The following FBXO16 variants were observed in gnomAD, a reference collection of about 807,000 sequenced individuals.
FBXO16 encodes F-box protein 16, also known as F-box only protein 16.
FBXO16 carries 31 observed loss-of-function variants against 41.0 expected under a neutral mutation model. The ratio of observed to expected loss-of-function variants is 0.76; its 90% CI spans 0.57 to 1.02. The LOEUF is 1.02. FBXO16 is among the 50% of genes least tolerant of loss of function. The pLI is 0.00. For missense variants in FBXO16, 361 were observed against 346.2 expected (o/e 1.04, Z -0.34); for synonymous variants, 133 against 117.8 (o/e 1.13, Z -0.84).
chr8:28,464,033 G>A (rs1193072389), intron 3 of FBXO16, among the ~76,000 whole-genome samples: 1 of 152,196 alleles, frequency 6.6e-6, no homozygotes, highest in African/African-American at 2.4e-5. Flanking sequence ...ACACAGAAGT[G>A]CATGTGACCT....
chr8:28,452,275 T>C lies in FBXO16; in HGVS notation c.709A>G (p.Asn237Asp). ...TGGACAGTCTCCATGGGGTCACGGT[T>C]GTCTAGGTAATTAAAACGAATGATA... ...TDIIRFNYLDNRDPMETVQQG... is the reference protein window; with the variant it reads ...TDIIRFNYLDDRDPMETVQQG... Residue 237 changes from asparagine to aspartate, a missense_variant, in exon 6 of 9, where the codon AAC becomes GAC. Asn to Asp is a conservative substitution (Grantham distance 23). Coordinates refer to ENST00000380254, the MANE Select transcript of FBXO16 (RefSeq NM_172366.4). 6.2e-7 allele frequency: 1 copy of C among 1,614,178 alleles called. No homozygotes were observed. Among genetic ancestry groups the C allele is most frequent in the Non-Finnish European group, 8.5e-7 (1 of 1,180,030 alleles).
intron 7 of FBXO16, among the ~76,000 whole-genome samples, chr8:28,437,008 C>T (rs1010000167): frequency 6.6e-6 from 1 of 152,174 alleles, no homozygotes; most frequent in African/African-American, 2.4e-5. Flanking sequence ...CCTGCCTCAG[C>T]CTCCCAAAGT....
At chr8:28,445,853 AC>A (rs1222083379) in intron 7 of FBXO16, among the ~76,000 whole-genome samples, 150 of 152,294 alleles carry the variant, frequency 9.8e-4, no homozygotes, top group South Asian at 3.1e-3. Flanking sequence ...CTGAGTACGT[AC>A]TTATTCCTCT....
chr8:28,428,694 G>T lies in FBXO16; in HGVS notation c.*33C>A. 1 of 1,575,196 alleles carries T rather than the reference G, an allele frequency of 6.3e-7. No individual in the cohort carries two copies. The highest frequency in any genetic ancestry group is 8.6e-7 in the Non-Finnish European group (1 of 1,162,102). On this transcript the variant is annotated 3_prime_UTR_variant, in exon 9 of 9. Coordinates refer to ENST00000380254, the MANE Select transcript of FBXO16 (RefSeq NM_172366.4). ...ACTGACTCAGGGGGAGGCCAGGCGA[G>T]ATGAGCTGGAACTTTTAGGGGAGAG...
chr8:28,451,004 A>G (rs17059109), intron 6 of FBXO16, among the ~76,000 whole-genome samples: 13,836 of 152,230 alleles, frequency 0.091, 1,212 homozygotes, highest in African/African-American at 0.23. Context: ...ATCCAGTCCA[A>G]TGGTCCTTGA....
At position 28,429,412 on chromosome 8, in the gene FBXO16, G is replaced by C; in HGVS notation, c.844-9C>G. On this transcript the variant is annotated splice_polypyrimidine_tract_variant and intron_variant, in intron 7 of 8. Transcript: ENST00000380254. ...GGATTTCTCCTCGACATCTGGCCGC[G>C]AGCAGGAAAGGGAAGAGAATGGAGA... 6.2e-7 allele frequency: 1 copy of C among 1,613,860 alleles called. No homozygotes were observed. Among genetic ancestry groups the C allele is most frequent in the African/African-American group, 1.3e-5 (1 of 75,020 alleles).
intron 3 of FBXO16, among the ~76,000 whole-genome samples, chr8:28,471,805 C>CACAA (rs781686111): frequency 1.7e-4 from 4 of 23,728 alleles, no homozygotes; most frequent in Non-Finnish European, 4.1e-4. Context: ...CAGAGAATCT[C>CACAA]AAAAAAAAAA....
rs569590431 is a variant in FBXO16 at position 28,469,975 on chromosome 8, C to T, written c.135+3797G>A. Among the ~76,000 whole-genome samples the T allele has an allele frequency of 4.0e-5, 6 of 150,880 alleles. No individual in the cohort carries two copies. The South Asian group carries it at 6.3e-4, about 16-fold the overall frequency. ...AACCCAGCACTTTGGGAGGCCGAGG[C>T]GGCTGGACCACGAGGTCAGGAGATC... On this transcript the variant is annotated intron_variant, in intron 3 of 8. Coordinates refer to ENST00000380254, the MANE Select transcript of FBXO16 (RefSeq NM_172366.4).
At chr8:28,481,177 C>A (rs1260291717) in intron 2 of FBXO16, among the ~76,000 whole-genome samples, 1 of 152,188 alleles carries the variant, frequency 6.6e-6, no homozygotes, top group Non-Finnish European at 1.5e-5. Flanking sequence ...TTGGAATTTA[C>A]TCTTGGGAGT....
intron 3 of FBXO16, among the ~76,000 whole-genome samples, chr8:28,470,126 G>A (rs1585914543): frequency 1.3e-5 from 2 of 151,554 alleles, no homozygotes; most frequent in Admixed American, 1.3e-4. Flanking sequence ...CCCAGGAGGC[G>A]GAGCTTGCAG....
intron 3 of FBXO16, among the ~76,000 whole-genome samples, chr8:28,470,825 C>A (rs1478698349): frequency 6.6e-6 from 1 of 152,046 alleles, no homozygotes. Flanking sequence ...CTTTATATAT[C>A]CTGGATATTA....
chr8:28,469,147 A>G (rs1471114103), intron 3 of FBXO16, among the ~76,000 whole-genome samples: 1 of 151,084 alleles, frequency 6.6e-6, no homozygotes, highest in African/African-American at 2.4e-5. Context: ...CATCTCTACT[A>G]AAAAAAAATT....
chr8:28,466,530 A>G (rs1803244561), intron 3 of FBXO16, among the ~76,000 whole-genome samples: 1 of 151,694 alleles, frequency 6.6e-6, no homozygotes, highest in Non-Finnish European at 1.5e-5. Context: ...GGTGGCTCAC[A>G]CCTGTAATCC....
At chr8:28,444,779 CTT>C (rs71549666) in intron 7 of FBXO16, among the ~76,000 whole-genome samples, 573 of 30,768 alleles carry the variant, frequency 0.019, 13 homozygotes, top group East Asian at 0.053. Flanking sequence ...CGCGCCCGGA[CTT>C]TTTTTTTTTT....
intron 3 of FBXO16, among the ~76,000 whole-genome samples, chr8:28,470,909 G>T (rs17059138): frequency 0.034 from 5,146 of 152,222 alleles, 278 homozygotes; most frequent in African/African-American, 0.12. Flanking sequence ...TGATTATGGT[G>T]GTTTCCAGCA....
intron 5 of FBXO16, among the ~76,000 whole-genome samples, chr8:28,455,108 C>G (rs1803018228): frequency 6.7e-6 from 1 of 149,184 alleles, no homozygotes; most frequent in South Asian, 2.1e-4. Context: ...GACAGTCTTG[C>G]TCTATCGCCC....
chr8:28,437,359 T>C (rs1802702093), intron 7 of FBXO16, among the ~76,000 whole-genome samples: 6 of 152,178 alleles, frequency 3.9e-5, no homozygotes, highest in Admixed American at 3.9e-4. Context: ...TCGGCTCTCT[T>C]CCAGGCAAAG....
At chr8:28,446,332 C>T (rs1163167265) in intron 7 of FBXO16, among the ~76,000 whole-genome samples, 3 of 151,512 alleles carry the variant, frequency 2.0e-5, no homozygotes, top group Admixed American at 6.6e-5. Flanking sequence ...GCCACCACGC[C>T]CAGCTAATTT....
At chr8:28,476,996 A>G (rs927377378) in intron 2 of FBXO16, among the ~76,000 whole-genome samples, 2 of 152,238 alleles carry the variant, frequency 1.3e-5, no homozygotes, top group African/African-American at 4.8e-5. Context: ...ACTTTCAATT[A>G]AAACACTAGT....
Sources: allele counts gnomAD v4.1 joint callset (sites outside exome capture counted in the v4.1 genomes callset), GRCh38; gene constraint gnomAD v4.1.1; transcripts MANE v1.5; gene names NCBI Gene and HGNC (gene_info 2026-07-23, HGNC 2026-07-21).